GALNT1: variants seen among roughly 807,000 people sequenced by gnomAD.
GALNT1 encodes the protein polypeptide N-acetylgalactosaminyltransferase 1.
GALNT1 carries 17 observed loss-of-function variants against 65.7 expected under a neutral mutation model. That is an observed-to-expected ratio of 0.26 (90% CI 0.18 to 0.39). The LOEUF (loss-of-function observed/expected upper bound fraction) is 0.39, where lower values mean the gene tolerates loss of function less well. GALNT1 is among the 10% of genes least tolerant of loss of function. The pLI is 1.00. For missense variants in GALNT1, 460 were observed against 672.8 expected (o/e 0.68, Z 3.50); for synonymous variants, 210 against 219.7 (o/e 0.96, Z 0.39).
At chr18:35,690,990 T>C in intron 7 of GALNT1, 22 bp from the exon 8 acceptor site, 1 of 1,552,870 alleles carries the variant, frequency 6.4e-7, no homozygotes, top group Non-Finnish European at 8.7e-7. Context: ...ACATGTTACA[T>C]GGTCATCTCT....
intron 1 of GALNT1, among the ~76,000 whole-genome samples, chr18:35,610,326 C>T (rs746955674): frequency 7.2e-5 from 11 of 152,180 alleles, no homozygotes; most frequent in South Asian, 2.1e-4. Flanking sequence ...CGTTCCTGAT[C>T]ACCTAGGATA....
At chr18:35,653,441 G>T (rs1208778048) in intron 1 of GALNT1, among the ~76,000 whole-genome samples, 2 of 152,188 alleles carry the variant, frequency 1.3e-5, no homozygotes, top group Non-Finnish European at 1.5e-5. Flanking sequence ...GTTGCATAAA[G>T]TTGCCCTTGT....
At chr18:35,614,427 G>GA (rs1203915346) in intron 1 of GALNT1, among the ~76,000 whole-genome samples, 1 of 152,066 alleles carries the variant, frequency 6.6e-6, no homozygotes, top group Non-Finnish European at 1.5e-5. Flanking sequence ...AACAAACTAA[G>GA]AACAGAAGGG....
intron 11 of GALNT1, among the ~76,000 whole-genome samples, chr18:35,707,238 G>A (rs2048277827): frequency 6.6e-6 from 1 of 152,220 alleles, no homozygotes; most frequent in African/African-American, 2.4e-5. Flanking sequence ...GAAATTAGGA[G>A]TAGGAGCTTG....
At chr18:35,626,339 A>G (rs943487719) in intron 1 of GALNT1, among the ~76,000 whole-genome samples, 10 of 152,222 alleles carry the variant, frequency 6.6e-5, no homozygotes, top group African/African-American at 1.4e-4. Flanking sequence ...TGAATTAGGG[A>G]TATGTGATTC....
chr18:35,630,173 G>A (rs1185647659), intron 1 of GALNT1, among the ~76,000 whole-genome samples: 1 of 152,116 alleles, frequency 6.6e-6, no homozygotes, highest in Non-Finnish European at 1.5e-5. Flanking sequence ...GGATATCCAG[G>A]AATTGAACTC....
chr18:35,624,146 G>A (rs946496168), intron 1 of GALNT1, among the ~76,000 whole-genome samples: 1 of 152,156 alleles, frequency 6.6e-6, no homozygotes. Flanking sequence ...AGCCTTTGGA[G>A]TCTGTCCTGT....
At chr18:35,686,257 A>G (rs1387706680) in intron 5 of GALNT1, among the ~76,000 whole-genome samples, 1 of 152,260 alleles carries the variant, frequency 6.6e-6, no homozygotes, top group African/African-American at 2.4e-5. Flanking sequence ...AGTCAATATC[A>G]TAAGAGTATC....
intron 1 of GALNT1, among the ~76,000 whole-genome samples, chr18:35,605,578 C>T (rs187432856): frequency 9.9e-5 from 15 of 151,354 alleles, no homozygotes; most frequent in Admixed American, 6.6e-4. Flanking sequence ...CTTAGATCTC[C>T]CTCCCTCCCT....
At chr18:35,685,775 A>G (rs781727882) in intron 5 of GALNT1, among the ~76,000 whole-genome samples, 5 of 152,358 alleles carry the variant, frequency 3.3e-5, no homozygotes, top group Non-Finnish European at 7.3e-5. Context: ...AGATTACTAT[A>G]GAAAAGTTCA....
At chr18:35,639,811 T>G (rs2047138430) in intron 1 of GALNT1, among the ~76,000 whole-genome samples, 2 of 152,238 alleles carry the variant, frequency 1.3e-5, no homozygotes, top group Non-Finnish European at 2.9e-5. Flanking sequence ...TTTTTTCTTT[T>G]GTCAGACGAA....
At chr18:35,584,742 GATCCC>G (rs1392593518) in intron 1 of GALNT1, among the ~76,000 whole-genome samples, 1 of 152,146 alleles carries the variant, frequency 6.6e-6, no homozygotes, top group Non-Finnish European at 1.5e-5. Context: ...GTGCAACCTA[GATCCC>G]TCATATGTAA....
intron 1 of GALNT1, among the ~76,000 whole-genome samples, chr18:35,613,259 G>A (rs1483313031): frequency 6.6e-6 from 1 of 152,006 alleles, no homozygotes; most frequent in Non-Finnish European, 1.5e-5. Context: ...TTTTCCTTTG[G>A]CTTCTAGAAG....
At chr18:35,651,299 G>A (rs573825547) in intron 1 of GALNT1, among the ~76,000 whole-genome samples, 55 of 152,040 alleles carry the variant, frequency 3.6e-4, no homozygotes, top group African/African-American at 1.2e-3. Flanking sequence ...ACTCAACAAT[G>A]CATTCATAAT....
At chr18:35,686,946 C>T in intron 5 of GALNT1, 70 bp from the exon 6 acceptor site, 1 of 1,417,796 alleles carries the variant, frequency 7.1e-7, no homozygotes, top group Non-Finnish European at 9.7e-7. Flanking sequence ...ACTTACTATA[C>T]AATTGTTCTG....
chr18:35,626,044 A>C (rs2046912609), intron 1 of GALNT1, among the ~76,000 whole-genome samples: 1 of 151,986 alleles, frequency 6.6e-6, no homozygotes, highest in African/African-American at 2.4e-5. Flanking sequence ...TCCCTATTTT[A>C]ACTCACACTG....
Position 35,691,071 on chromosome 18 carries a change from T to C in GALNT1, c.1038T>C (p.Phe346=). ...IVTCSHVGHV[F]RKATPYTFPG... ...CATGCTCACATGTTGGACATGTGTT[T>C]CGGAAAGCTACACCTTACACGTTTC... Residue 346 remains phenylalanine (F), a synonymous_variant, in exon 8 of 12, where the codon TTT becomes TTC. Transcript: ENST00000269195. 8.7e-6 allele frequency: 14 copies of C among 1,611,600 alleles called. No homozygotes were observed. The highest frequency in any genetic ancestry group is 1.2e-5 in the Non-Finnish European group (14 of 1,179,088).
intron 9 of GALNT1, among the ~76,000 whole-genome samples, chr18:35,700,113 A>C (rs1199342812): frequency 1.3e-5 from 2 of 152,156 alleles, no homozygotes; most frequent in African/African-American, 2.4e-5. Flanking sequence ...CTTGAGGAAA[A>C]CATCTTACAC....
rs1226093605 is a variant in GALNT1, at chr18:35,709,916, T to C, written c.*146T>C. On this transcript the variant is annotated 3_prime_UTR_variant, in exon 12 of 12. Coordinates refer to ENST00000269195, the MANE Select transcript of GALNT1 (RefSeq NM_020474.4). ...GTTTATCAGCCATTAAAACTTAGAC[T>C]TCTCTAGCTTTTCACTAGCTGTGAA... 1.2e-5 allele frequency: 11 copies of C among 904,212 alleles called. No homozygotes were observed. Among genetic ancestry groups the C allele is most frequent in the Non-Finnish European group, 1.8e-5 (11 of 614,390 alleles). The allele number at this position is 904,212 out of a possible 1,614,324, so 56.0% of individuals were successfully genotyped here.
Sources: allele counts gnomAD v4.1 joint callset (sites outside exome capture counted in the v4.1 genomes callset), GRCh38; gene constraint gnomAD v4.1.1; transcripts MANE v1.5; gene names NCBI Gene and HGNC (gene_info 2026-07-23, HGNC 2026-07-21).